The following ATG3 variants were observed in gnomAD, a reference collection of about 807,000 sequenced individuals.
The protein encoded by ATG3 is ubiquitin-like-conjugating enzyme ATG3.
A neutral mutation model predicts 50.7 loss-of-function variants in ATG3; 25 were observed. That is an observed-to-expected ratio of 0.49 (90% CI 0.36 to 0.69). The LOEUF (loss-of-function observed/expected upper bound fraction) is 0.69, where lower values mean the gene tolerates loss of function less well. Among genes scored for constraint, ATG3 ranks in the 30% least tolerant of loss-of-function variants. ATG3 has a pLI of 0.00. For synonymous variants in ATG3, 119 were observed against 125.5 expected, an observed-to-expected ratio of 0.95 and a Z score of 0.34; for missense variants, 281 against 376.0, an observed-to-expected ratio of 0.75 and a Z score of 2.09.
chr3:112,558,221 T>C, intron 2 of ATG3, 155 bp downstream of exon 2: 1 of 592,192 alleles, frequency 1.7e-6, no homozygotes, highest in East Asian at 2.8e-5. Flanking sequence ...TCTTTTCTTC[T>C]ATGGGAAGTA....
chr3:112,548,440 T>C (rs761160405), intron 5 of ATG3, 93 bp downstream of exon 5: 5 of 1,118,728 alleles, frequency 4.5e-6, no homozygotes, highest in Non-Finnish European at 5.3e-6. Flanking sequence ...AAACTATGCC[T>C]TATGTATCCT....
chr3:112,561,643 G>T lies in ATG3; in HGVS notation c.-115C>A. 9.1e-7 allele frequency: 1 copy of T among 1,103,184 alleles called. No individual in the cohort carries two copies. Among genetic ancestry groups the T allele is most frequent in the Non-Finnish European group, 1.3e-6 (1 of 769,408 alleles). The allele number at this position is 1,103,184 out of a possible 1,614,324, so 68.3% of individuals were successfully genotyped here. On this transcript the variant is annotated 5_prime_UTR_variant, in exon 1 of 12. Transcript: ENST00000283290. ...ACCGACTCGCATCAGCACCCGGCTG[G>T]CAGCACCCGAGGGGACGGGACGCGA...
rs746515436 is a variant in ATG3 at position 112,534,226 on chromosome 3, TAAC to T, written c.863+40_863+42del. ...CTAAATTTCTCAAAAAAAAAATCGTTAACAGCCATTTTGCCACTAATCTTACAT... is the reference window on the plus strand; with the variant it reads ...CTAAATTTCTCAAAAAAAAAATCGTTAGCCATTTTGCCACTAATCTTACAT... On this transcript the variant is annotated intron_variant, in intron 11 of 11. Coordinates refer to ENST00000283290, the MANE Select transcript of ATG3 (RefSeq NM_022488.5). 5 of 1,586,568 alleles carry T rather than the reference TAAC, an allele frequency of 3.2e-6. No individual in the cohort carries two copies. In the South Asian group the frequency reaches 4.7e-5, roughly 15 times the overall value.
intron 6 of ATG3, 43 bp downstream of exon 6, chr3:112,544,014 T>C: frequency 7.0e-7 from 1 of 1,429,056 alleles, no homozygotes; most frequent in African/African-American, 1.4e-5. Context: ...GATAGGCAAA[T>C]AACTACTCAT....
chr3:112,546,655 G>A (rs1158596991), intron 5 of ATG3, among the ~76,000 whole-genome samples: 2 of 152,078 alleles, frequency 1.3e-5, no homozygotes, highest in African/African-American at 4.8e-5. Flanking sequence ...ATAAAGCAAG[G>A]GAAACTGAGT....
At chr3:112,548,705 A>AG (rs1478485793) in intron 4 of ATG3, 65 bp from the exon 5 acceptor site, 1 of 1,376,676 alleles carries the variant, frequency 7.3e-7, no homozygotes. Context: ...TCCATTAGAA[A>AG]GAAGAGAGCT....
chr3:112,549,555 T>A (rs1256262142), intron 4 of ATG3, among the ~76,000 whole-genome samples: 1 of 152,058 alleles, frequency 6.6e-6, no homozygotes, highest in African/African-American at 2.4e-5. Context: ...ACACCTGTAA[T>A]CCCAGCACTT....
intron 10 of ATG3, 158 bp downstream of exon 10, chr3:112,536,317 T>C (rs1933047066): frequency 1.2e-6 from 1 of 823,034 alleles, no homozygotes; most frequent in Non-Finnish European, 1.8e-6. Context: ...CTTATATATT[T>C]AAGCACAAGA....
chr3:112,542,017 A>C (rs534437607), intron 6 of ATG3, 133 bp from the exon 7 acceptor site: 6 of 596,662 alleles, frequency 1.0e-5, no homozygotes, highest in Admixed American at 9.5e-5. Flanking sequence ...CAAAAACCTT[A>C]AACTCCAATG....
At chr3:112,554,933 C>T (rs1412605451) in intron 2 of ATG3, among the ~76,000 whole-genome samples, 1 of 152,028 alleles carries the variant, frequency 6.6e-6, no homozygotes, top group Admixed American at 6.6e-5. Flanking sequence ...TAAGTAAAGA[C>T]AAAAACCAAA....
intron 1 of ATG3, among the ~76,000 whole-genome samples, 162 bp downstream of exon 1, chr3:112,561,295 C>T (rs1197751401): frequency 1.3e-5 from 2 of 152,140 alleles, no homozygotes; most frequent in Non-Finnish European, 2.9e-5. Flanking sequence ...AACGAACAGC[C>T]GGTTAAGACT....
chr3:112,554,753 G>T (rs1362589986), intron 2 of ATG3, among the ~76,000 whole-genome samples: 1 of 151,594 alleles, frequency 6.6e-6, no homozygotes, highest in African/African-American at 2.4e-5. Flanking sequence ...GAGAAAGTAT[G>T]CCTATATAAA....
intron 7 of ATG3, among the ~76,000 whole-genome samples, chr3:112,541,058 A>T (rs1933210421): frequency 6.6e-6 from 1 of 152,176 alleles, no homozygotes; most frequent in Non-Finnish European, 1.5e-5. Context: ...AGGACTTTTC[A>T]GAATCTTGGG....
At position 112,541,707 on chromosome 3, in the gene ATG3, A is replaced by T. The variant is rs1217362745; in HGVS notation, c.475+96T>A. 3 of 1,111,578 alleles carry T rather than the reference A, an allele frequency of 2.7e-6. No homozygotes were observed. The East Asian group carries it at 7.3e-5, about 27-fold the overall frequency. 68.9% of individuals were successfully genotyped at this position (1,111,578 alleles called of 1,614,324 possible). A position where few individuals can be genotyped will look rare whatever the true frequency, so the allele number is the denominator to read the frequency against. On this transcript the variant is annotated intron_variant, in intron 7 of 11. Transcript: ENST00000283290. ...CACTCACTAGGCTGCTAAATGCTAAACTTACAACTCAATGAAGAATTCTTA... is the reference window on the plus strand; with the variant it reads ...CACTCACTAGGCTGCTAAATGCTAATCTTACAACTCAATGAAGAATTCTTA...
chr3:112,548,744 C>T (rs1364053593), intron 4 of ATG3, 104 bp from the exon 5 acceptor site: 6 of 864,082 alleles, frequency 6.9e-6, no homozygotes, highest in Non-Finnish European at 1.1e-5. Flanking sequence ...GTTTATACCA[C>T]CAAAGTACTA....
At position 112,559,554 on chromosome 3, in the gene ATG3, G is replaced by C. The variant is rs1933782525; in HGVS notation, c.73-1137C>G. On this transcript the variant is annotated intron_variant, in intron 1 of 11. Transcript: ENST00000283290. ...GAGGAATCTGTGGGGTGGCTGGGGA[G>C]AGATGGCCATTTAAAATAGAATGGT... 3.3e-5 allele frequency among the ~76,000 whole-genome samples: 5 copies of C among 152,220 alleles called. No homozygotes were observed. The South Asian group carries it at 1.0e-3, about 32-fold the overall frequency.
chr3:112,560,499 T>C (rs1345845779), intron 1 of ATG3, among the ~76,000 whole-genome samples: 1 of 151,860 alleles, frequency 6.6e-6, no homozygotes, highest in Non-Finnish European at 1.5e-5. Flanking sequence ...AAAGCAAAAC[T>C]CTCCACTATT....
intron 6 of ATG3, among the ~76,000 whole-genome samples, chr3:112,543,786 A>T (rs1357107582): frequency 6.6e-6 from 1 of 152,188 alleles, no homozygotes; most frequent in African/African-American, 2.4e-5. Context: ...GAAAATTAGT[A>T]GTTTGTACAA....
At chr3:112,542,367 T>C (rs1475391563) in intron 6 of ATG3, among the ~76,000 whole-genome samples, 2 of 152,156 alleles carry the variant, frequency 1.3e-5, no homozygotes, top group African/African-American at 4.8e-5. Flanking sequence ...GTTATTAAAA[T>C]GCACAAGATA....
Sources: allele counts gnomAD v4.1 joint callset (sites outside exome capture counted in the v4.1 genomes callset), GRCh38; gene constraint gnomAD v4.1.1; transcripts MANE v1.5; gene names NCBI Gene and HGNC (gene_info 2026-07-23, HGNC 2026-07-21).